TENM4: variants seen among roughly 807,000 people sequenced by gnomAD.
TENM4 encodes the protein teneurin transmembrane protein 4.
A neutral mutation model predicts 243.3 loss-of-function variants in TENM4; 82 were observed. That is an observed-to-expected ratio of 0.34 (90% CI 0.28 to 0.40). TENM4 has a LOEUF of 0.40. TENM4 is among the 10% of genes least tolerant of loss of function. TENM4 has a pLI of 1.00. For synonymous variants in TENM4, 1,412 were observed against 1,456.3 expected (o/e 0.97, Z 0.69); for missense variants, 3,138 against 3,673.3 (o/e 0.85, Z 3.77).
intron 29 of TENM4, among the ~76,000 whole-genome samples, chr11:78,683,784 G>A (rs1220599153): frequency 2.6e-5 from 4 of 152,114 alleles, no homozygotes; most frequent in African/African-American, 4.8e-5. Flanking sequence ...GTTCCTATTC[G>A]GCCATCTTGG....
At chr11:79,185,074 G>A (rs546085153) in intron 3 of TENM4, among the ~76,000 whole-genome samples, 1 of 152,256 alleles carries the variant, frequency 6.6e-6, no homozygotes, top group Admixed American at 6.5e-5. Flanking sequence ...TGATGGGGAG[G>A]ATCGCTTGAG....
chr11:78,701,747 T>C lies in TENM4; in HGVS notation c.4866A>G (p.Thr1622=), dbSNP rs1173657469. 2 of 1,613,870 alleles carry C rather than the reference T, an allele frequency of 1.2e-6. No homozygotes were observed. Among genetic ancestry groups the C allele is most frequent in the African/African-American group, 2.7e-5 (2 of 74,930 alleles). ...YTGDGDITLI[T]DNNGNMVNVR... Reference sequence around the variant, plus strand: ...CATTTACCATGTTGCCATTGTTGTCTGTGATGAGTGTGATGTCGCCGTCCC... The same window carrying C: ...CATTTACCATGTTGCCATTGTTGTCCGTGATGAGTGTGATGTCGCCGTCCC... The change falls in exon 28 of 34, where the codon ACA becomes ACG. Residue 1622 remains threonine, a synonymous_variant. Coordinates refer to ENST00000278550, the MANE Select transcript of TENM4 (RefSeq NM_001098816.3).
intron 9 of TENM4, among the ~76,000 whole-genome samples, chr11:78,868,076 T>A (rs75409383): frequency 1.3e-4 from 18 of 134,872 alleles, no homozygotes; most frequent in East Asian, 2.1e-4. Flanking sequence ...AGCCACAGAT[T>A]AAAAAAAAAA....
At position 78,657,797 on chromosome 11, in the gene TENM4, A is replaced by C; in HGVS notation, c.*261T>G. 1.8e-6 allele frequency: 1 copy of C among 567,224 alleles called. No homozygotes were observed. The highest frequency in any genetic ancestry group is 3.1e-6 in the Non-Finnish European group (1 of 321,436). The allele number at this position is 567,224 out of a possible 1,614,324, so 35.1% of individuals were successfully genotyped here. The stretch of plus-strand genomic sequence containing the variant: ...ACGACAAGGGAAAAATCCTCAAGGA[A>C]AAAGGGAACAAAAGACAATAAAGTT... On this transcript the variant is annotated 3_prime_UTR_variant, in exon 34 of 34. Coordinates refer to ENST00000278550, the MANE Select transcript of TENM4 (RefSeq NM_001098816.3).
chr11:78,911,452 T>G (rs1856183565), intron 6 of TENM4, among the ~76,000 whole-genome samples: 1 of 152,224 alleles, frequency 6.6e-6, no homozygotes. Context: ...CTGGATAGGT[T>G]TGGCTAATGG....
intron 6 of TENM4, among the ~76,000 whole-genome samples, chr11:79,024,958 AG>A (rs1254948228): frequency 6.6e-6 from 1 of 152,162 alleles, no homozygotes; most frequent in Non-Finnish European, 1.5e-5. Context: ...CCTCAGAAGA[AG>A]GGGGAAGATG....
chr11:78,951,615 C>T (rs1414154126), intron 6 of TENM4, among the ~76,000 whole-genome samples: 3 of 152,152 alleles, frequency 2.0e-5, no homozygotes, highest in East Asian at 1.9e-4. Context: ...GGGCTCTCTT[C>T]GTGGCTTGTA....
At chr11:79,396,233 C>A (rs1324113238) in intron 1 of TENM4, among the ~76,000 whole-genome samples, 1 of 152,206 alleles carries the variant, frequency 6.6e-6, no homozygotes, top group Non-Finnish European at 1.5e-5. Flanking sequence ...TCTTAATATT[C>A]TCCCCCACTG....
chr11:78,900,456 C>T (rs1855902486), intron 7 of TENM4, among the ~76,000 whole-genome samples: 1 of 152,096 alleles, frequency 6.6e-6, no homozygotes, highest in Admixed American at 6.5e-5. Flanking sequence ...TACTATTTCC[C>T]CTCAACTCCT....
At chr11:79,416,262 T>C (rs951994780) in intron 1 of TENM4, among the ~76,000 whole-genome samples, 1 of 152,086 alleles carries the variant, frequency 6.6e-6, no homozygotes, top group African/African-American at 2.4e-5. Flanking sequence ...TACCTAGGAG[T>C]GGAATGGCTG....
chr11:79,196,542 T>A (rs1193995361), intron 3 of TENM4, among the ~76,000 whole-genome samples: 1 of 152,140 alleles, frequency 6.6e-6, no homozygotes, highest in African/African-American at 2.4e-5. Flanking sequence ...GAGTAGTGCC[T>A]GTGTCTGAGG....
At chr11:78,783,081 A>G (rs2511829) in intron 16 of TENM4, among the ~76,000 whole-genome samples, 22,657 of 152,180 alleles carry the variant, frequency 0.15, 2,263 homozygotes, top group Middle Eastern at 0.29. Context: ...CTTTAGAGAC[A>G]AGGGGCACTG....
chr11:79,131,772 A>G (rs147945253), intron 4 of TENM4, among the ~76,000 whole-genome samples: 194 of 152,286 alleles, frequency 1.3e-3, no homozygotes, highest in African/African-American at 4.4e-3. Context: ...AAAACTCACC[A>G]ACCATCTGCT....
chr11:79,150,791 T>A (rs1281209318), intron 3 of TENM4, among the ~76,000 whole-genome samples: 1 of 152,188 alleles, frequency 6.6e-6, no homozygotes, highest in East Asian at 1.9e-4. Flanking sequence ...TGAATGGGCA[T>A]TTTCATAATT....
chr11:78,900,025 T>TA (rs1353836018), intron 7 of TENM4, among the ~76,000 whole-genome samples: 5 of 152,322 alleles, frequency 3.3e-5, no homozygotes, highest in Admixed American at 2.6e-4. Context: ...TCAATTATGT[T>TA]AGTGAAGTCA....
intron 29 of TENM4, 32 bp downstream of exon 29, chr11:78,688,022 C>T (rs1178094418): frequency 1.2e-6 from 2 of 1,608,806 alleles, no homozygotes; most frequent in East Asian, 4.5e-5. Flanking sequence ...CACCCCTCTG[C>T]CTCAAAGTCC....
At chr11:79,102,648 G>T (rs1861264192) in intron 4 of TENM4, among the ~76,000 whole-genome samples, 1 of 152,148 alleles carries the variant, frequency 6.6e-6, no homozygotes, top group Non-Finnish European at 1.5e-5. Context: ...CATTGCTATC[G>T]CTTTTGTCTG....
At chr11:79,327,649 CT>C (rs11408549) in intron 1 of TENM4, among the ~76,000 whole-genome samples, 444 of 119,780 alleles carry the variant, frequency 3.7e-3, no homozygotes, top group African/African-American at 5.2e-3. Flanking sequence ...AATTGGAAAG[CT>C]TTTTTTTTTT....
chr11:78,685,618 C>T (rs1858646895), intron 29 of TENM4, among the ~76,000 whole-genome samples: 1 of 152,138 alleles, frequency 6.6e-6, no homozygotes, highest in African/African-American at 2.4e-5. Context: ...GAATGTGGCA[C>T]TTTCAAATTT....
Sources: allele counts gnomAD v4.1 joint callset (sites outside exome capture counted in the v4.1 genomes callset), GRCh38; gene constraint gnomAD v4.1.1; transcripts MANE v1.5; gene names NCBI Gene and HGNC (gene_info 2026-07-23, HGNC 2026-07-21).